The following FCN1 variants were observed in gnomAD, a reference collection of about 807,000 sequenced individuals.
The protein encoded by FCN1 is ficolin-1.
Under a neutral mutation model 35.6 loss-of-function variants are expected in FCN1, and 42 were observed. That is an observed-to-expected ratio of 1.18 (90% confidence interval 0.92 to 1.53). The LOEUF (loss-of-function observed/expected upper bound fraction) is 1.53, where lower values mean the gene tolerates loss of function less well. Ranked by LOEUF, FCN1 falls within the 40% of genes most tolerant of loss-of-function variation. The pLI is 0.00. For missense variants in FCN1, 439 were observed against 428.4 expected, an observed-to-expected ratio of 1.02 and a Z score of -0.22; for synonymous variants, 179 against 169.8, an observed-to-expected ratio of 1.05 and a Z score of -0.42.
In FCN1 at chr9:134,909,033, G is replaced by C; in HGVS notation, c.*765C>G. On this transcript the variant is annotated 3_prime_UTR_variant, in exon 9 of 9. Transcript: ENST00000371806. ...AATCTCCCCTGGCCTGGGAGCTGGA[G>C]AAGCCCCTTCTCCATCATCTCCTAG... is the stretch of plus-strand genomic sequence containing the variant. The C allele has an allele frequency of 2.7e-6, 1 of 375,376 alleles. No homozygotes were observed. The highest frequency in any genetic ancestry group is 3.8e-5 in the Admixed American group (1 of 26,152). The allele number at this position is 375,376 out of a possible 1,614,324, so 23.3% of individuals were successfully genotyped here. A position where few individuals can be genotyped will look rare whatever the true frequency, so the allele number is the denominator to read the frequency against.
Position 134,913,147 on chromosome 9 carries a change from G to C in FCN1, c.341-4C>G. ...AGGTCCTTGCAGTTGCGTGGGCCTGGGAAGGGAACCCGGGGAATGGCTGCA... is the reference window on the plus strand; with the variant it reads ...AGGTCCTTGCAGTTGCGTGGGCCTGCGAAGGGAACCCGGGGAATGGCTGCA... On this transcript the variant is annotated splice_polypyrimidine_tract_variant and splice_region_variant and intron_variant, in intron 5 of 8. Coordinates refer to ENST00000371806, the MANE Select transcript of FCN1 (RefSeq NM_002003.5). 6.2e-7 allele frequency: 1 copy of C among 1,613,646 alleles called. No individual in the cohort carries two copies. Among genetic ancestry groups the C allele is most frequent in the Non-Finnish European group, 8.5e-7 (1 of 1,179,848 alleles).
rs1830973458 is a variant in FCN1, at chr9:134,907,879, T to G, written c.*1919A>C. On this transcript the variant is annotated 3_prime_UTR_variant, in exon 9 of 9. Coordinates refer to ENST00000371806, the MANE Select transcript of FCN1 (RefSeq NM_002003.5). Reference sequence around the variant, plus strand: ...GGTATGTCGGCTGATTCCAGTTTGGTGCTATGGTGAGTATTTGGCTGTAAA... The same window carrying G: ...GGTATGTCGGCTGATTCCAGTTTGGGGCTATGGTGAGTATTTGGCTGTAAA... 1 of 152,178 alleles carries G rather than the reference T, an allele frequency of 6.6e-6. No homozygotes were observed. Among genetic ancestry groups the G allele is most frequent in the Non-Finnish European group, 1.5e-5 (1 of 68,052 alleles). 9.4% of individuals were successfully genotyped at this position (152,178 alleles called of 1,614,324 possible).
chr9:134,911,297 C>G (rs781370739), intron 7 of FCN1, 30 bp from the exon 8 acceptor site: 16 of 1,609,078 alleles, frequency 9.9e-6, no homozygotes, highest in Non-Finnish European at 1.3e-5. Context: ...AGGCCCCAGC[C>G]TTTAAGATCT....
In FCN1 at chr9:134,909,873, A is replaced by G. The variant is rs1830999519; in HGVS notation, c.906T>C (p.Asn302=). The change falls in exon 9 of 9, where the codon AAT becomes AAC. Residue 302 remains asparagine (N), a synonymous_variant. Transcript: ENST00000371806. Reference sequence around the variant, plus strand: ...CCTTCGCCGCACTCCAGTTGATACCATTGGCATAGCTCTCATGGGGTCCCA... The same window carrying G: ...CCTTCGCCGCACTCCAGTTGATACCGTTGGCATAGCTCTCATGGGGTCCCA... ...YLMGPHESYA[N]GINWSAAKGY... is the part of the protein sequence containing the mutation. 1.9e-6 allele frequency: 3 copies of G among 1,614,090 alleles called. No individual in the cohort carries two copies. Among genetic ancestry groups the G allele is most frequent in the Non-Finnish European group, 2.5e-6 (3 of 1,180,016 alleles).
chr9:134,914,984 T>C (rs997287116), intron 2 of FCN1, among the ~76,000 whole-genome samples, 175 bp from the exon 3 acceptor site: 4 of 151,980 alleles, frequency 2.6e-5, no homozygotes, highest in South Asian at 4.1e-4. Context: ...TGACTGCAGA[T>C]GGAGGTGAGG....
intron 4 of FCN1, among the ~76,000 whole-genome samples, chr9:134,914,016 C>T (rs927084296): frequency 6.6e-6 from 1 of 151,388 alleles, no homozygotes; most frequent in African/African-American, 2.5e-5. Flanking sequence ...CAGCCCCCGG[C>T]TCCGGTTTTC....
rs1282647381 is a variant in FCN1, at chr9:134,915,337, G to A, written c.218-528C>T. ...GAAAGGTGACCCTCCCGTCCCCGATGCCAGCCAAGAGGCAGCCCCCAGCCC... is the reference window on the plus strand; with the variant it reads ...GAAAGGTGACCCTCCCGTCCCCGATACCAGCCAAGAGGCAGCCCCCAGCCC... On this transcript the variant is annotated intron_variant, in intron 2 of 8. Coordinates refer to ENST00000371806, the MANE Select transcript of FCN1 (RefSeq NM_002003.5). Among the ~76,000 whole-genome samples the A allele has an allele frequency of 2.6e-5, 4 of 152,188 alleles. No individual in the cohort carries two copies. The East Asian group carries it at 7.7e-4, about 29-fold the overall frequency.
At chr9:134,910,582 C>T (rs951755970) in intron 8 of FCN1, among the ~76,000 whole-genome samples, 2 of 152,186 alleles carry the variant, frequency 1.3e-5, no homozygotes, top group East Asian at 3.8e-4. Flanking sequence ...GAGATCGTGC[C>T]TGTGAAAGGA....
chr9:134,905,999 A>ATT lies in FCN1; in HGVS notation c.*3797_*3798dup. 1.4e-5 allele frequency: 1 copy of ATT among 72,650 alleles called. No individual in the cohort carries two copies. The highest frequency in any genetic ancestry group is 2.9e-5 in the Non-Finnish European group (1 of 34,452). 4.5% of individuals were successfully genotyped at this position (72,650 alleles called of 1,614,324 possible). A position where few individuals can be genotyped will look rare whatever the true frequency, so the allele number is the denominator to read the frequency against. ...TCTTCTTCTTCTTCTTTTTATTTTT[A>ATT]TTTTTTTTTTGAGGCGGAATCTCGC... On this transcript the variant is annotated 3_prime_UTR_variant, in exon 9 of 9. Transcript: ENST00000371806.
rs144829000 is a variant in FCN1 at position 134,912,575 on chromosome 9, C to G, written c.509G>C (p.Arg170Pro). The G allele has an allele frequency of 1.9e-6, 3 of 1,613,982 alleles. No homozygotes were observed. In the African/African-American group the frequency reaches 4.0e-5, roughly 22 times the overall value. ...RRMDGSVDFY[R>P]DWAAYKQGFG... ...GCCCTGCTTGTATGCGGCCCAGTCC[C>G]GATAGAAGTCCACAGAGCCATCCAT... Residue 170 changes from arginine to proline, a missense_variant, in exon 7 of 9, where the codon CGG (arginine) becomes CCG (proline). By Grantham distance (103) the Arg-to-Pro change is moderately radical. Transcript: ENST00000371806.
chr9:134,916,231 C>G (rs987082528), intron 2 of FCN1, 117 bp downstream of exon 2: 1 of 812,840 alleles, frequency 1.2e-6, no homozygotes. Context: ...GGGCCTGACC[C>G]AGGCTCTTGA....
rs183810899 is a variant in FCN1 at position 134,915,261 on chromosome 9, G to A, written c.218-452C>T. ...CTGCCAGGGAGGATCCGGTTCCACC[G>A]TGCGCCTGAGCTCCTGGGGTGTCAC... On this transcript the variant is annotated intron_variant, in intron 2 of 8. Transcript: ENST00000371806. Among the ~76,000 whole-genome samples, 154 of 152,264 alleles carry A rather than the reference G, an allele frequency of 1.0e-3. 1 individual carries two copies. The highest frequency in any genetic ancestry group is 5.7e-4 in the Non-Finnish European group (39 of 68,010).
chr9:134,913,615 T>G lies in FCN1; in HGVS notation c.308-2A>C. On this transcript the variant is annotated splice_acceptor_variant, in intron 4 of 8. Transcript: ENST00000371806. LOFTEE classifies it high-confidence loss of function. ...ACGACTGAGACTGCCCAGCGTCTCC[T>G]GTGTGGGGAGAGGAGACACTTGTCA... 6.2e-7 allele frequency: 1 copy of G among 1,604,682 alleles called. No individual in the cohort carries two copies. The highest frequency in any genetic ancestry group is 8.5e-7 in the Non-Finnish European group (1 of 1,174,348).
rs1480090105 is a variant in FCN1 at position 134,916,363 on chromosome 9, C to T, written c.202G>A (p.Val68Ile). ...GAPGPKGEAGVIGERGERGLP... is the reference protein window; with the variant it reads ...GAPGPKGEAGIIGERGERGLP... ...CCGCACCTACCTCTCTCTCCAATGA[C>T]ACCTGCCTCTCCCTTTGGCCCTGGG... The change falls in exon 2 of 9, where the codon GTC becomes ATC. Residue 68 changes from valine (V) to isoleucine (I), a missense_variant. Val to Ile is a conservative substitution (Grantham distance 29, BLOSUM62 3). Transcript: ENST00000371806. 6.2e-7 allele frequency: 1 copy of T among 1,614,046 alleles called. No homozygotes were observed.
chr9:134,914,409 C>T lies in FCN1; in HGVS notation c.283G>A (p.Glu95Lys). 1 of 1,614,144 alleles carries T rather than the reference C, an allele frequency of 6.2e-7. No individual in the cohort carries two copies. Among genetic ancestry groups the T allele is most frequent in the Non-Finnish European group, 8.5e-7 (1 of 1,179,968 alleles). Residue 95 changes from glutamate (E) to lysine (K), a missense_variant, in exon 4 of 9, where the codon GAG becomes AAG. Transcript: ENST00000371806. Reference sequence around the variant, plus strand: ...CCTTTCTCTCCACGCATCCCCTTCTCTCCTCGGTCTCCTGGAGGAAGAGGC... The same window carrying T: ...CCTTTCTCTCCACGCATCCCCTTCTTTCCTCGGTCTCCTGGAGGAAGAGGC... ...GPVGPKGDRGEKGMRGEKGDA... is the reference protein window; with the variant it reads ...GPVGPKGDRGKKGMRGEKGDA...
In FCN1 at chr9:134,905,859, T is replaced by TCTTCCC. The variant is rs1830944340; in HGVS notation, c.*3938_*3939insGGGAAG. The TCTTCCC allele has an allele frequency of 2.5e-5, 1 of 39,518 alleles. No homozygotes were observed. Among genetic ancestry groups the TCTTCCC allele is most frequent in the Admixed American group, 2.3e-4 (1 of 4,356 alleles). 2.4% of individuals were successfully genotyped at this position (39,518 alleles called of 1,614,324 possible). ...CTCTTCCTCTTCCTCTTCCTCTTCC[T>TCTTCCC]CTTCCTCTTCTTCTTCTTCTTCTTC... On this transcript the variant is annotated 3_prime_UTR_variant, in exon 9 of 9. Transcript: ENST00000371806.
Position 134,905,825 on chromosome 9 carries a change from TTCCTCTTCC to T in FCN1, c.*3964_*3972del, listed in dbSNP as rs1830941084. The T allele has an allele frequency of 2.8e-5, 1 of 35,628 alleles. No homozygotes were observed. The highest frequency in any genetic ancestry group is 8.7e-4 in the South Asian group (1 of 1,150). 2.2% of individuals were successfully genotyped at this position (35,628 alleles called of 1,614,324 possible). On this transcript the variant is annotated 3_prime_UTR_variant, in exon 9 of 9. Transcript: ENST00000371806. ...CTTCTTCTTCCTCTTCTTCTTCTTC[TTCCTCTTCC>T]TCTTCCTCTTCCTCTTCCTCTTCCT...
Position 134,909,672 on chromosome 9 carries a change from G to A in FCN1, c.*126C>T. Reference sequence around the variant, plus strand: ...ATGTGGCGGCTTGACTGAGCTGGGGGCAAAGGGGCAGCTGTGGGCGTCATG... The same window carrying A: ...ATGTGGCGGCTTGACTGAGCTGGGGACAAAGGGGCAGCTGTGGGCGTCATG... On this transcript the variant is annotated 3_prime_UTR_variant, in exon 9 of 9. Coordinates refer to ENST00000371806, the MANE Select transcript of FCN1 (RefSeq NM_002003.5). 6.3e-7 allele frequency: 1 copy of A among 1,595,012 alleles called. No homozygotes were observed. Among genetic ancestry groups the A allele is most frequent in the Non-Finnish European group, 8.5e-7 (1 of 1,177,566 alleles).
At chr9:134,910,737 C>G (rs1046654044) in intron 8 of FCN1, among the ~76,000 whole-genome samples, 1 of 152,206 alleles carries the variant, frequency 6.6e-6, no homozygotes, top group African/African-American at 2.4e-5. Flanking sequence ...TAAGCAGACG[C>G]CCTGTAGGAA....
Sources: allele counts gnomAD v4.1 joint callset (sites outside exome capture counted in the v4.1 genomes callset), GRCh38; gene constraint gnomAD v4.1.1; transcripts MANE v1.5; gene names NCBI Gene and HGNC (gene_info 2026-07-23, HGNC 2026-07-21).